The following ZNF407 variants were observed in gnomAD, a reference collection of about 807,000 sequenced individuals.
ZNF407 encodes the protein zinc finger protein 407.
In ZNF407, 17 loss-of-function variants were observed where a neutral mutation model predicts 131.2. The ratio of observed to expected loss-of-function variants is 0.13; its 90% CI spans 0.09 to 0.19. The LOEUF is 0.19. Among genes scored for constraint, ZNF407 ranks in the 10% least tolerant of loss-of-function variants. The pLI is 1.00. For synonymous variants in ZNF407, 1,156 were observed against 1,062.0 expected (o/e 1.09, Z -1.72); for missense variants, 2,681 against 2,830.6 (o/e 0.95, Z 1.20).
chr18:74,742,443 G>A lies in ZNF407; in HGVS notation c.4803-38985G>A, dbSNP rs28427177. The stretch of plus-strand genomic sequence containing the variant: ...ACACATGACGTTGCTGACTTCAGTT[G>A]CTTTTTTTCTGTAAGAACTGCAGTT... On this transcript the variant is annotated intron_variant, in intron 3 of 8. Coordinates refer to ENST00000299687, the MANE Select transcript of ZNF407 (RefSeq NM_017757.3). Among the ~76,000 whole-genome samples, 806 of 152,200 alleles carry A rather than the reference G, an allele frequency of 5.3e-3. 9 individuals are homozygous for A. The highest frequency in any genetic ancestry group is 0.017 in the African/African-American group (724 of 41,536).
At chr18:75,006,594 T>C (rs563699236) in intron 8 of ZNF407, among the ~76,000 whole-genome samples, 1 of 152,322 alleles carries the variant, frequency 6.6e-6, no homozygotes, top group East Asian at 1.9e-4. Context: ...TAATCTATAA[T>C]ATAATTGCAC....
chr18:74,821,203 C>T (rs1970335692), intron 4 of ZNF407, among the ~76,000 whole-genome samples: 1 of 151,534 alleles, frequency 6.6e-6, no homozygotes, highest in African/African-American at 2.4e-5. Flanking sequence ...TTTGCACCAA[C>T]CTAGTATTTT....
intron 4 of ZNF407, among the ~76,000 whole-genome samples, chr18:74,809,444 A>G (rs1970162227): frequency 6.6e-6 from 1 of 152,226 alleles, no homozygotes; most frequent in Non-Finnish European, 1.5e-5. Flanking sequence ...TGAAATCTCT[A>G]GGTTTCAGTT....
At position 74,932,611 on chromosome 18, in the gene ZNF407, T is replaced by C. The variant is rs572258354; in HGVS notation, c.5428+11919T>C. 2.6e-5 allele frequency among the ~76,000 whole-genome samples: 4 copies of C among 152,348 alleles called. No individual in the cohort carries two copies. The South Asian group carries it at 6.2e-4, about 24-fold the overall frequency. On this transcript the variant is annotated intron_variant, in intron 8 of 8. Transcript: ENST00000299687. ...ACCAATCATTCAAAAAAAACTTATG[T>C]GTAAATAAAATGAGATCTGCATATT...
At chr18:74,872,503 C>T (rs9961506) in intron 4 of ZNF407, among the ~76,000 whole-genome samples, 4,803 of 151,984 alleles carry the variant, frequency 0.032, 229 homozygotes, top group African/African-American at 0.11. Context: ...GCGGCTCACA[C>T]CTGTAATCCC....
chr18:74,716,317 A>G (rs1449527941), intron 3 of ZNF407, among the ~76,000 whole-genome samples: 1 of 152,242 alleles, frequency 6.6e-6, no homozygotes, highest in Non-Finnish European at 1.5e-5. Context: ...ATGTTTTAAC[A>G]GTACACAAGG....
chr18:74,699,462 G>A (rs1462929549), intron 3 of ZNF407, among the ~76,000 whole-genome samples: 1 of 152,128 alleles, frequency 6.6e-6, no homozygotes, highest in Non-Finnish European at 1.5e-5. Context: ...GGAGAAGATA[G>A]TTGTAACCTG....
At chr18:74,628,216 A>G (rs1983889799) in intron 1 of ZNF407, among the ~76,000 whole-genome samples, 2 of 152,120 alleles carry the variant, frequency 1.3e-5, no homozygotes, top group Non-Finnish European at 2.9e-5. Flanking sequence ...TCATTTTCAA[A>G]TACTTTTATA....
chr18:74,730,579 A>G (rs1243194484), intron 3 of ZNF407, among the ~76,000 whole-genome samples: 1 of 151,656 alleles, frequency 6.6e-6, no homozygotes, highest in Non-Finnish European at 1.5e-5. Flanking sequence ...TTTTGCTGTC[A>G]CTGGTAACTA....
intron 3 of ZNF407, among the ~76,000 whole-genome samples, chr18:74,650,258 C>A (rs1258851457): frequency 6.6e-6 from 1 of 152,092 alleles, no homozygotes; most frequent in Non-Finnish European, 1.5e-5. Context: ...CTGAAAAGTT[C>A]CTTTTCAGCT....
At chr18:74,900,924 CG>C (rs1971516099) in intron 7 of ZNF407, among the ~76,000 whole-genome samples, 1 of 152,042 alleles carries the variant, frequency 6.6e-6, no homozygotes, top group Non-Finnish European at 1.5e-5. Context: ...TTCAAATTGC[CG>C]GTTTTTTTCT....
At chr18:75,055,982 CTCT>C (rs1973557599) in intron 8 of ZNF407, among the ~76,000 whole-genome samples, 1 of 152,220 alleles carries the variant, frequency 6.6e-6, no homozygotes, top group Admixed American at 6.5e-5. Context: ...ATTTCCCCAT[CTCT>C]TCTTATAAAA....
At chr18:74,811,963 A>G (rs1970203455) in intron 4 of ZNF407, among the ~76,000 whole-genome samples, 1 of 151,390 alleles carries the variant, frequency 6.6e-6, no homozygotes, top group South Asian at 2.1e-4. Context: ...GCACACCAGC[A>G]TGGCACATGT....
chr18:74,717,222 T>A (rs1286041414), intron 3 of ZNF407, among the ~76,000 whole-genome samples: 1 of 152,226 alleles, frequency 6.6e-6, no homozygotes, highest in Non-Finnish European at 1.5e-5. Context: ...TTATTCTGTT[T>A]CATACTGTGC....
chr18:74,676,476 A>T (rs79973543), intron 3 of ZNF407, among the ~76,000 whole-genome samples: 12 of 143,126 alleles, frequency 8.4e-5, no homozygotes, highest in South Asian at 4.4e-4. Flanking sequence ...TCGCTCTGTC[A>T]CCCAGGCTGG....
chr18:74,762,471 A>G (rs1271001960), intron 3 of ZNF407, among the ~76,000 whole-genome samples: 1 of 152,188 alleles, frequency 6.6e-6, no homozygotes, highest in Non-Finnish European at 1.5e-5. Context: ...GAATTTTAAT[A>G]CATATTTAGA....
intron 7 of ZNF407, among the ~76,000 whole-genome samples, chr18:74,894,550 T>C (rs925866309): frequency 6.6e-6 from 1 of 152,092 alleles, no homozygotes; most frequent in African/African-American, 2.4e-5. Flanking sequence ...ACTCATCACA[T>C]TGGCTTCCAC....
chr18:74,645,354 C>T (rs535439475), intron 3 of ZNF407, among the ~76,000 whole-genome samples: 2 of 151,930 alleles, frequency 1.3e-5, no homozygotes, highest in East Asian at 3.9e-4. Flanking sequence ...GTTTGATATG[C>T]CATTATTGAG....
chr18:74,936,786 T>C (rs1412552370), intron 8 of ZNF407, among the ~76,000 whole-genome samples: 2 of 152,260 alleles, frequency 1.3e-5, no homozygotes, highest in African/African-American at 4.8e-5. Context: ...TATGGTCATA[T>C]GAACTTTCTT....
Sources: allele counts gnomAD v4.1 joint callset (sites outside exome capture counted in the v4.1 genomes callset), GRCh38; gene constraint gnomAD v4.1.1; transcripts MANE v1.5; gene names NCBI Gene and HGNC (gene_info 2026-07-23, HGNC 2026-07-21).